The following SYT14 variants were observed in gnomAD, a reference collection of about 807,000 sequenced individuals.
SYT14 encodes synaptotagmin 14, also known as synaptotagmin-14.
A neutral mutation model predicts 74.2 loss-of-function variants in SYT14; 32 were observed. The observed-to-expected ratio is 0.43, with a 90% CI of 0.33 to 0.58. SYT14 has a LOEUF of 0.58. SYT14 is among the 20% of genes least tolerant of loss of function. SYT14 has a pLI of 0.05. For missense variants in SYT14, 791 were observed against 981.8 expected (o/e 0.81, Z 2.60); for synonymous variants, 298 against 337.7 (o/e 0.88, Z 1.29).
At chr1:210,052,934 A>G (rs574306765) in intron 5 of SYT14, among the ~76,000 whole-genome samples, 1 of 152,244 alleles carries the variant, frequency 6.6e-6, no homozygotes, top group Admixed American at 6.5e-5. Flanking sequence ...AAATGCCAAG[A>G]TCATTCTGCC....
chr1:210,103,763 C>A (rs1293128340), intron 7 of SYT14, among the ~76,000 whole-genome samples: 1 of 152,006 alleles, frequency 6.6e-6, no homozygotes, highest in Non-Finnish European at 1.5e-5. Context: ...CTCTAAAGGC[C>A]TATCCATCTC....
chr1:210,122,727 A>G (rs1312724159), intron 7 of SYT14, among the ~76,000 whole-genome samples: 1 of 152,170 alleles, frequency 6.6e-6, no homozygotes, highest in African/African-American at 2.4e-5. Flanking sequence ...TTCTGATCTT[A>G]AAAGCAAGTC....
chr1:210,106,210 G>C lies in SYT14; in HGVS notation c.2034+5749G>C, dbSNP rs973195964. 9.2e-5 allele frequency among the ~76,000 whole-genome samples: 14 copies of C among 152,278 alleles called. No homozygotes were observed. The South Asian group carries it at 2.9e-3, about 32-fold the overall frequency. On this transcript the variant is annotated intron_variant, in intron 7 of 9. Coordinates refer to ENST00000637265, the Ensembl canonical transcript of SYT14. ...AGGAGTGCTCTTGGGATTCATACTT[G>C]TAAAAGAGGAGATGGAAGCAGGATT...
intron 7 of SYT14, among the ~76,000 whole-genome samples, chr1:210,131,343 A>T (rs950751494): frequency 2.6e-5 from 4 of 152,068 alleles, no homozygotes; most frequent in Admixed American, 6.6e-5. Flanking sequence ...GAGTAATTTT[A>T]AAAAATTTTC....
rs981213509 is a variant in SYT14, at chr1:210,111,507, G to A, written c.2034+11046G>A. Among the ~76,000 whole-genome samples the A allele has an allele frequency of 5.3e-5, 8 of 151,146 alleles. 1 individual carries two copies. Among genetic ancestry groups the A allele is most frequent in the African/African-American group, 2.0e-4 (8 of 40,496 alleles). ...AATACTGTTGAAGTGTTGGGGTGGC[G>A]AACATTTTTGGGGGTGGTATGGAGA... On this transcript the variant is annotated intron_variant, in intron 7 of 9. Coordinates refer to ENST00000637265, the Ensembl canonical transcript of SYT14.
intron 7 of SYT14, among the ~76,000 whole-genome samples, chr1:210,120,377 T>G (rs1056498050): frequency 1.6e-4 from 20 of 122,536 alleles, no homozygotes; most frequent in Admixed American, 1.0e-3. Context: ...TTTTTTTTTT[T>G]TTGTTTGAGA....
At chr1:209,960,751 A>G (rs2079063797) in intron 2 of SYT14, among the ~76,000 whole-genome samples, 1 of 152,328 alleles carries the variant, frequency 6.6e-6, no homozygotes, top group East Asian at 1.9e-4. Context: ...ATGATTGTTG[A>G]CATAGGATGT....
At chr1:210,069,671 A>C (rs1458902724) in intron 5 of SYT14, among the ~76,000 whole-genome samples, 1 of 151,998 alleles carries the variant, frequency 6.6e-6, no homozygotes, top group East Asian at 1.9e-4. Context: ...CTTTATTCTT[A>C]ATTATAAGTG....
chr1:210,006,287 C>T (rs935127245), intron 2 of SYT14, among the ~76,000 whole-genome samples: 7 of 151,534 alleles, frequency 4.6e-5, no homozygotes, highest in East Asian at 1.9e-4. Context: ...TAATGTAATA[C>T]GAAAATTTGA....
intron 6 of SYT14, among the ~76,000 whole-genome samples, chr1:210,097,174 T>G (rs939810064): frequency 5.3e-5 from 8 of 152,246 alleles, no homozygotes; most frequent in Non-Finnish European, 1.0e-4. Flanking sequence ...TTTGTGTTTT[T>G]TCAAGTTTAT....
chr1:209,955,535 G>GT (rs1474680999), intron 2 of SYT14, among the ~76,000 whole-genome samples: 1 of 151,724 alleles, frequency 6.6e-6, no homozygotes, highest in Non-Finnish European at 1.5e-5. Context: ...AGTTCTCTGT[G>GT]TTTTTTCCTA....
intron 2 of SYT14, among the ~76,000 whole-genome samples, chr1:209,959,548 C>T (rs149820202): frequency 5.3e-5 from 8 of 152,298 alleles, no homozygotes; most frequent in Middle Eastern, 3.4e-3. Context: ...GAATATTATT[C>T]ATCCACCAGA....
exon 10 of SYT14, chr1:210,162,220 G>T: frequency 2.3e-6 from 1 of 429,164 alleles, no homozygotes; most frequent in Non-Finnish European, 4.7e-6. Context: ...GTTCTTCAAC[G>T]TGATGTCATC....
intron 5 of SYT14, among the ~76,000 whole-genome samples, chr1:210,056,433 A>T (rs2081097739): frequency 6.6e-6 from 1 of 152,128 alleles, no homozygotes. Context: ...GGGAATCAGA[A>T]TGAGGAGGCA....
chr1:210,103,246 A>G (rs900670166), intron 7 of SYT14, among the ~76,000 whole-genome samples: 15 of 152,216 alleles, frequency 9.9e-5, no homozygotes, highest in South Asian at 4.2e-4. Context: ...TTCCCTGAGA[A>G]TAAGATTAAA....
chr1:210,143,760 T>G (rs976164845), intron 7 of SYT14, among the ~76,000 whole-genome samples: 3 of 152,162 alleles, frequency 2.0e-5, no homozygotes, highest in Admixed American at 1.3e-4. Context: ...TTTTCAAGCT[T>G]TTCAAGCATT....
At chr1:210,100,397 C>T in exon 7 of SYT14, 1 of 1,613,436 alleles carries the variant, frequency 6.2e-7, no homozygotes, top group Non-Finnish European at 8.5e-7. Context: ...TTTTATTTAA[C>T]AAAATTGAAT....
At chr1:210,100,617 G>A (rs555035667) in intron 7 of SYT14, among the ~76,000 whole-genome samples, 156 bp downstream of exon 6, 1 of 152,284 alleles carries the variant, frequency 6.6e-6, no homozygotes, top group Non-Finnish European at 1.5e-5. Flanking sequence ...TGGATAGATA[G>A]ATATACTTTT....
At chr1:210,158,490 A>C (rs866434365) in intron 8 of SYT14, among the ~76,000 whole-genome samples, 1 of 152,210 alleles carries the variant, frequency 6.6e-6, no homozygotes, top group Non-Finnish European at 1.5e-5. Context: ...GGAGATGCTA[A>C]AAAATAGAAT....
Sources: allele counts gnomAD v4.1 joint callset (sites outside exome capture counted in the v4.1 genomes callset), GRCh38; gene constraint gnomAD v4.1.1; transcripts MANE v1.5; gene names NCBI Gene and HGNC (gene_info 2026-07-23, HGNC 2026-07-21).